NPAS3: variants seen among roughly 807,000 people sequenced by gnomAD.
The protein encoded by NPAS3 is neuronal PAS domain protein 3.
Under a neutral mutation model 73.1 loss-of-function variants are expected in NPAS3, and 14 were observed. The observed-to-expected ratio is 0.19, with a 90% CI of 0.13 to 0.30. The LOEUF (loss-of-function observed/expected upper bound fraction) is 0.30, where lower values mean the gene tolerates loss of function less well. Ranked by LOEUF, NPAS3 falls within the 10% of genes least tolerant of loss-of-function variation. NPAS3 has a pLI of 1.00. For missense variants in NPAS3, 1,096 were observed against 1,250.0 expected, an observed-to-expected ratio of 0.88 and a Z score of 1.86; for synonymous variants, 620 against 541.5, an observed-to-expected ratio of 1.14 and a Z score of -2.01.
At chr14:33,051,932 TG>T (rs1204072508) in intron 1 of NPAS3, among the ~76,000 whole-genome samples, 1 of 152,132 alleles carries the variant, frequency 6.6e-6, no homozygotes, top group Admixed American at 6.5e-5. Flanking sequence ...GCTAATTTTT[TG>T]TATTTTTAGT....
chr14:33,161,558 A>C (rs1464538974), intron 2 of NPAS3, among the ~76,000 whole-genome samples: 3 of 152,206 alleles, frequency 2.0e-5, no homozygotes, highest in Non-Finnish European at 4.4e-5. Context: ...TGTACTTGAC[A>C]TTGTGGTTTA....
chr14:33,360,358 A>AG (rs532157216), intron 3 of NPAS3, among the ~76,000 whole-genome samples: 1 of 138,340 alleles, frequency 7.2e-6, no homozygotes, highest in African/African-American at 2.6e-5. Flanking sequence ...TGGGGGCGGG[A>AG]GGGGGCTGGT....
intron 3 of NPAS3, among the ~76,000 whole-genome samples, chr14:33,226,263 T>C (rs534145527): frequency 2.6e-5 from 4 of 152,338 alleles, no homozygotes; most frequent in African/African-American, 7.2e-5. Flanking sequence ...CACAGGACTA[T>C]TGTTTGGTCA....
intron 4 of NPAS3, among the ~76,000 whole-genome samples, chr14:33,370,553 G>A (rs1180323460): frequency 6.6e-6 from 1 of 152,122 alleles, no homozygotes; most frequent in Admixed American, 6.5e-5. Flanking sequence ...AGTCCATGGA[G>A]AGGGCTTTTA....
At chr14:33,738,299 G>A (rs943109335) in intron 7 of NPAS3, among the ~76,000 whole-genome samples, 11 of 152,152 alleles carry the variant, frequency 7.2e-5, no homozygotes, top group Admixed American at 6.6e-4. Flanking sequence ...CTGTCCGCTT[G>A]GCCCCTCTGC....
chr14:33,524,415 A>G (rs1595083795), intron 4 of NPAS3, among the ~76,000 whole-genome samples: 1 of 152,208 alleles, frequency 6.6e-6, no homozygotes, highest in South Asian at 2.1e-4. Context: ...GGTGATATTC[A>G]CAACAACCTA....
intron 4 of NPAS3, among the ~76,000 whole-genome samples, chr14:33,445,480 G>A (rs1405139593): frequency 2.0e-5 from 3 of 152,030 alleles, no homozygotes; most frequent in Non-Finnish European, 4.4e-5. Flanking sequence ...CACATTTCCT[G>A]ATCTTTAGAA....
chr14:33,330,683 T>C (rs1286660207), intron 3 of NPAS3, among the ~76,000 whole-genome samples: 1 of 152,214 alleles, frequency 6.6e-6, no homozygotes, highest in Non-Finnish European at 1.5e-5. Flanking sequence ...GGACGTCTAT[T>C]CCAGAGGCCT....
intron 2 of NPAS3, chr14:33,214,867 T>A: frequency 3.3e-6 from 1 of 300,350 alleles, no homozygotes. Flanking sequence ...AATATCAAGC[T>A]ACGCCTGTAA....
intron 9 of NPAS3, among the ~76,000 whole-genome samples, chr14:33,786,683 G>A (rs2063184968): frequency 6.6e-6 from 1 of 152,240 alleles, no homozygotes; most frequent in Non-Finnish European, 1.5e-5. Context: ...TGACTGATAA[G>A]CATCTCTTTC....
intron 2 of NPAS3, among the ~76,000 whole-genome samples, chr14:33,062,709 C>T (rs933342187): frequency 2.6e-5 from 4 of 152,192 alleles, no homozygotes; most frequent in Non-Finnish European, 4.4e-5. Flanking sequence ...AGCACCACAA[C>T]GAGCCTTTTG....
chr14:33,082,147 T>C (rs1417435989), intron 2 of NPAS3, among the ~76,000 whole-genome samples: 1 of 152,178 alleles, frequency 6.6e-6, no homozygotes, highest in East Asian at 1.9e-4. Flanking sequence ...CAATGAGAAT[T>C]GGAACATATG....
chr14:33,482,059 T>TG, intron 4 of NPAS3, among the ~76,000 whole-genome samples: 1 of 151,626 alleles, frequency 6.6e-6, no homozygotes, highest in Non-Finnish European at 1.5e-5. Flanking sequence ...GCAAGTTTTT[T>TG]TTTTTTTTTT....
intron 2 of NPAS3, among the ~76,000 whole-genome samples, chr14:33,081,516 A>G (rs543376342): frequency 6.6e-6 from 1 of 152,280 alleles, no homozygotes; most frequent in East Asian, 1.9e-4. Context: ...CAAAGAGGTT[A>G]TTTTGTGTAA....
chr14:33,168,987 A>G (rs532778881), intron 2 of NPAS3, among the ~76,000 whole-genome samples: 1 of 152,326 alleles, frequency 6.6e-6, no homozygotes, highest in African/African-American at 2.4e-5. Flanking sequence ...TTGTGCTTTC[A>G]GAAAAGTGAA....
At chr14:33,564,360 C>CGA (rs1349064154) in intron 5 of NPAS3, among the ~76,000 whole-genome samples, 2 of 152,114 alleles carry the variant, frequency 1.3e-5, no homozygotes, top group Non-Finnish European at 2.9e-5. Flanking sequence ...TTTGGAAGAG[C>CGA]TAACCTGTAG....
intron 3 of NPAS3, among the ~76,000 whole-genome samples, chr14:33,254,382 A>G (rs1034179794): frequency 6.6e-6 from 1 of 152,064 alleles, no homozygotes; most frequent in Non-Finnish European, 1.5e-5. Context: ...TTGGGTTTCC[A>G]GTGTCCACTC....
intron 5 of NPAS3, among the ~76,000 whole-genome samples, chr14:33,651,935 CT>C (rs1299545050): frequency 6.6e-6 from 1 of 152,114 alleles, no homozygotes; most frequent in Non-Finnish European, 1.5e-5. Flanking sequence ...AATGATAAGG[CT>C]TAGCATGGCA....
In NPAS3 at chr14:33,077,774, G is replaced by GTTTTTTTTTTTTTTTTTTT. The variant is rs3057435; in HGVS notation, c.140+21795_140+21796insTTTTTTTTTTTTTTTTTTT. Among the ~76,000 whole-genome samples, 12 of 87,488 alleles carry GTTTTTTTTTTTTTTTTTTT rather than the reference G, an allele frequency of 1.4e-4. 2 individuals carry two copies. Among genetic ancestry groups the GTTTTTTTTTTTTTTTTTTT allele is most frequent in the East Asian group, 2.8e-4 (1 of 3,514 alleles). 57.4% of individuals were successfully genotyped at this position (87,488 alleles called of 152,430 possible). On this transcript the variant is annotated intron_variant, in intron 2 of 11. Coordinates refer to ENST00000356141, the Ensembl canonical transcript of NPAS3. ...CTTTGCTCAAAACATTGCAGTAAGG[G>GTTTTTTTTTTTTTTTTTTT]TTTTTTTTTTTTTTTGCCCCTTTTG...
Sources: gnomAD v4.1 joint callset for allele counts (sites outside exome capture counted in the v4.1 genomes callset) on GRCh38, gnomAD v4.1.1 for gene constraint, MANE v1.5 for transcripts, NCBI Gene and HGNC (gene_info 2026-07-23, HGNC 2026-07-21) for gene names.